Variants in PTBP2 observed in about 807,000 individuals in gnomAD.
PTBP2 encodes polypyrimidine tract-binding protein 2.
PTBP2 carries 13 observed loss-of-function variants against 61.4 expected under a neutral mutation model. The ratio of observed to expected loss-of-function variants is 0.21; its 90% CI spans 0.14 to 0.34. The LOEUF (loss-of-function observed/expected upper bound fraction) is 0.34, where lower values mean the gene tolerates loss of function less well. Among genes scored for constraint, PTBP2 ranks in the 10% least tolerant of loss-of-function variants. The pLI, the probability that PTBP2 is intolerant of heterozygous loss-of-function variation, is 1.00. For missense variants in PTBP2, 405 were observed against 642.6 expected, an observed-to-expected ratio of 0.63 and a Z score of 4.00; for synonymous variants, 215 against 218.5, an observed-to-expected ratio of 0.98 and a Z score of 0.14.
chr1:96,805,430 C>G (rs1228210898), intron 9 of PTBP2, among the ~76,000 whole-genome samples: 2 of 152,026 alleles, frequency 1.3e-5, no homozygotes, highest in African/African-American at 4.8e-5. Flanking sequence ...CTCTTCCCGT[C>G]TTTCTTAGTA....
At chr1:96,769,485 A>G (rs889875199) in intron 3 of PTBP2, among the ~76,000 whole-genome samples, 1 of 152,010 alleles carries the variant, frequency 6.6e-6, no homozygotes, top group South Asian at 2.1e-4. Context: ...AAACATTAAC[A>G]GCAATCTTAA....
At chr1:96,806,767 T>G (rs1368737702) in intron 10 of PTBP2, 99 bp from the exon 11 acceptor site, 1 of 838,444 alleles carries the variant, frequency 1.2e-6, no homozygotes, top group Non-Finnish European at 2.0e-6. Flanking sequence ...CATGTTGATG[T>G]CTGAATGTTT....
chr1:96,733,824 C>G (rs542272020), intron 2 of PTBP2, among the ~76,000 whole-genome samples: 2 of 152,308 alleles, frequency 1.3e-5, no homozygotes, highest in Middle Eastern at 3.4e-3. Flanking sequence ...CCAACTCGTC[C>G]TCTTCCTCCT....
intron 8 of PTBP2, among the ~76,000 whole-genome samples, chr1:96,785,887 T>C (rs1557752489): frequency 6.6e-6 from 1 of 152,196 alleles, no homozygotes; most frequent in East Asian, 1.9e-4. Context: ...TGCAAACATA[T>C]GCAACTTATA....
rs544227104 is a variant in PTBP2 at position 96,795,315 on chromosome 1, A to C, written c.905-9485A>C. On this transcript the variant is annotated intron_variant, in intron 8 of 13. Coordinates refer to ENST00000674951, the MANE Select transcript of PTBP2 (RefSeq NM_021190.4). ...AAAATGAGAATGCAAAGTAAGAAAC[A>C]AATATGGGGAAAATTATATGTAAAA... 2.6e-5 allele frequency among the ~76,000 whole-genome samples: 4 copies of C among 152,312 alleles called. No homozygotes were observed. In the East Asian group the frequency reaches 7.7e-4, roughly 29 times the overall value.
exon 14 of PTBP2, chr1:96,821,570 A>G (rs1433019485): frequency 6.6e-6 from 1 of 152,130 alleles, no homozygotes; most frequent in Non-Finnish European, 1.5e-5. Flanking sequence ...TTTCAAGGAA[A>G]ATAGCTCCTA....
At chr1:96,761,346 ATGTGTGTGTGTGTGTG>A (rs57451223) in intron 3 of PTBP2, among the ~76,000 whole-genome samples, 41 of 140,574 alleles carry the variant, frequency 2.9e-4, no homozygotes, top group South Asian at 9.7e-4. Flanking sequence ...GTGGGATTTG[ATGTGTGTGTGTGTGTG>A]TGTGTGTGTG....
chr1:96,801,405 G>A (rs111934684), intron 8 of PTBP2, among the ~76,000 whole-genome samples: 11 of 152,160 alleles, frequency 7.2e-5, no homozygotes, highest in African/African-American at 2.2e-4. Context: ...CCAGAGATTT[G>A]TGAGAGTTCC....
intron 4 of PTBP2, 133 bp from the exon 5 acceptor site, chr1:96,770,575 C>T: frequency 1.2e-6 from 1 of 845,992 alleles, no homozygotes; most frequent in South Asian, 1.8e-5. Flanking sequence ...TCTAATTCTG[C>T]TTATCAGAAC....
At chr1:96,800,310 G>A (rs1660841126) in intron 8 of PTBP2, among the ~76,000 whole-genome samples, 1 of 150,806 alleles carries the variant, frequency 6.6e-6, no homozygotes, top group East Asian at 1.9e-4. Context: ...CATCTATTTC[G>A]AGCCCAAATT....
chr1:96,781,041 C>T (rs990867898), intron 7 of PTBP2, among the ~76,000 whole-genome samples: 5 of 152,014 alleles, frequency 3.3e-5, no homozygotes, highest in African/African-American at 9.7e-5. Flanking sequence ...GCTGGTCTCT[C>T]AAGGTAGTAG....
rs370688092 is a variant in PTBP2, at chr1:96,802,978, ATTG to A, written c.905-1817_905-1815del. Among the ~76,000 whole-genome samples the A allele has an allele frequency of 2.5e-3, 382 of 152,272 alleles. 2 individuals are homozygous for A. The highest frequency in any genetic ancestry group is 8.5e-3 in the African/African-American group (354 of 41,570). On this transcript the variant is annotated intron_variant, in intron 8 of 13. Transcript: ENST00000674951. ...ACTTCTCAAGACTGCAAGAAAAAAA[ATTG>A]TTGTGTGTAGGAATGTTTGCCTAGG...
chr1:96,744,782 C>G (rs533709435), intron 2 of PTBP2, among the ~76,000 whole-genome samples: 2 of 152,162 alleles, frequency 1.3e-5, no homozygotes, highest in Admixed American at 6.5e-5. Context: ...ATGGTTTGAT[C>G]ATTCTTTTAC....
intron 8 of PTBP2, among the ~76,000 whole-genome samples, chr1:96,796,228 G>A (rs1328870481): frequency 2.7e-5 from 4 of 148,776 alleles, no homozygotes; most frequent in African/African-American, 9.9e-5. Flanking sequence ...TGAGGCAGAA[G>A]AACTGCTTGA....
At chr1:96,822,767 G>A (rs1269629115) in exon 14 of PTBP2, 8 of 152,242 alleles carry the variant, frequency 5.3e-5, no homozygotes, top group South Asian at 2.1e-4. Context: ...GTAAAGCTGC[G>A]TAATACTTTG....
chr1:96,787,803 C>T (rs1659372111), intron 8 of PTBP2, among the ~76,000 whole-genome samples: 1 of 152,130 alleles, frequency 6.6e-6, no homozygotes, highest in Non-Finnish European at 1.5e-5. Context: ...ACCTGCGTAG[C>T]ATGTTCATGG....
chr1:96,771,210 C>A, intron 5 of PTBP2: 1 of 154,032 alleles, frequency 6.5e-6, no homozygotes, highest in Non-Finnish European at 1.4e-5. Flanking sequence ...TAATTTCTTA[C>A]GGAAAATTTT....
At chr1:96,767,860 A>G (rs1354562778) in intron 3 of PTBP2, among the ~76,000 whole-genome samples, 1 of 152,046 alleles carries the variant, frequency 6.6e-6, no homozygotes, top group South Asian at 2.1e-4. Context: ...TAGTTTTTTC[A>G]TATTTCTGGA....
intron 9 of PTBP2, among the ~76,000 whole-genome samples, chr1:96,805,662 A>T (rs1345718698): frequency 1.3e-5 from 2 of 152,164 alleles, no homozygotes; most frequent in Non-Finnish European, 2.9e-5. Context: ...ATGATGTCTA[A>T]TTTGAATATT....
Sources: gnomAD v4.1 joint callset for allele counts (sites outside exome capture counted in the v4.1 genomes callset) on GRCh38, gnomAD v4.1.1 for gene constraint, MANE v1.5 for transcripts, NCBI Gene and HGNC (gene_info 2026-07-23, HGNC 2026-07-21) for gene names.